The following UNCX variants were observed in gnomAD, a reference collection of about 807,000 sequenced individuals.
UNCX encodes the protein UNC homeobox.
In UNCX, 4 loss-of-function variants were observed where a neutral mutation model predicts 14.8. The ratio of observed to expected loss-of-function variants is 0.27; its 90% CI spans 0.13 to 0.62. The LOEUF (loss-of-function observed/expected upper bound fraction) is 0.62, where lower values mean the gene tolerates loss of function less well. Among genes scored for constraint, UNCX ranks in the 20% least tolerant of loss-of-function variants. UNCX has a pLI of 0.86. For missense variants in UNCX, 749 were observed against 786.8 expected (o/e 0.95, Z 0.58); for synonymous variants, 459 against 395.8 (o/e 1.16, Z -1.90).
At chr7:1,235,675 A>T (rs1778724935) in intron 2 of UNCX, among the ~76,000 whole-genome samples, 157 bp from the exon 3 acceptor site, 1 of 152,222 alleles carries the variant, frequency 6.6e-6, no homozygotes, top group Non-Finnish European at 1.5e-5. Context: ...CCAGTGGCAA[A>T]GCCCAGCTCA....
intron 2 of UNCX, among the ~76,000 whole-genome samples, chr7:1,235,146 G>A (rs994659370): frequency 3.3e-5 from 5 of 152,240 alleles, no homozygotes; most frequent in South Asian, 2.1e-4. Flanking sequence ...GCCTTGGCCG[G>A]TGGCCCAGGC....
At chr7:1,235,384 AG>A (rs938633724) in intron 2 of UNCX, among the ~76,000 whole-genome samples, 6 of 152,212 alleles carry the variant, frequency 3.9e-5, no homozygotes, top group African/African-American at 1.4e-4. Context: ...ACAGGTGTGG[AG>A]GGCGGCTGTG....
rs769065865 is a variant in UNCX at position 1,236,456 on chromosome 7, C to T, written c.1075C>T (p.Leu359=). 2.1e-5 allele frequency: 29 copies of T among 1,378,302 alleles called. No individual in the cohort carries two copies. Among genetic ancestry groups the T allele is most frequent in the Admixed American group, 3.0e-5 (1 of 33,750 alleles). 85.4% of individuals were successfully genotyped at this position (1,378,302 alleles called of 1,614,324 possible). A position where few individuals can be genotyped will look rare whatever the true frequency, so the allele number is the denominator to read the frequency against. The change falls in exon 3 of 3, where the codon CTG becomes TTG. Residue 359 remains leucine (L), a synonymous_variant. Coordinates refer to ENST00000316333, the MANE Select transcript of UNCX (RefSeq NM_001080461.3). This position sits in a 1 kb window ranked among gnomAD's most constrained non-coding sequence, Gnocchi z 6.9. ...CGCCGCCGCCGCCGCCGCCGCGGGG[C>T]TGGACTTCGCGCCCGGGCTGCCGTG... ...SNAAAAAAAG[L]DFAPGLPCAP...
chr7:1,236,853 C>A lies in UNCX; in HGVS notation c.1472C>A (p.Pro491Gln). The A allele has an allele frequency of 9.9e-7, 1 of 1,011,694 alleles. No homozygotes were observed. Among genetic ancestry groups the A allele is most frequent in the Non-Finnish European group, 1.2e-6 (1 of 848,934 alleles). 62.7% of individuals were successfully genotyped at this position (1,011,694 alleles called of 1,614,324 possible). A position where few individuals can be genotyped will look rare whatever the true frequency, so the allele number is the denominator to read the frequency against. The change falls in exon 3 of 3, where the codon CCG becomes CAG. Residue 491 changes from proline to glutamine, a missense_variant. Transcript: ENST00000316333. The surrounding 1 kb of genome is among the most constrained non-coding windows in gnomAD (Gnocchi z 6.9). ...GGCCCCGCGCCCCCGCCGCCCGCGC[C>A]GTCGCCCAGGCCCGGCCCTCGGCCT... ...TAGPAPPPPA[P>Q]SPRPGPRPPS... is the part of the protein sequence containing the mutation.
chr7:1,236,538 C>T lies in UNCX; in HGVS notation c.1157C>T (p.Pro386Leu), dbSNP rs1778746088. The change falls in exon 3 of 3, where the codon CCG becomes CTG. Residue 386 changes from proline (P) to leucine (L), a missense_variant. By Grantham distance (98) the Pro-to-Leu change is moderately conservative. Around this residue, in one of 3 missense-constraint regions of UNCX, gnomAD observed 552 missense variants for 507.2 expected, o/e 1.09. Transcript: ENST00000316333. This position sits in a 1 kb window ranked among gnomAD's most constrained non-coding sequence, Gnocchi z 6.9. ...GHFLLYPITQ[P>L]LGFLVPQAAL... ...TTCCTCCTCTACCCCATCACGCAGC[C>T]GCTCGGCTTCCTGGTGCCGCAGGCC... The T allele has an allele frequency of 7.2e-7, 1 of 1,384,842 alleles. No individual in the cohort carries two copies. Among genetic ancestry groups the T allele is most frequent in the Non-Finnish European group, 9.4e-7 (1 of 1,060,536 alleles). 85.8% of individuals were successfully genotyped at this position (1,384,842 alleles called of 1,614,324 possible). A position where few individuals can be genotyped will look rare whatever the true frequency, so the allele number is the denominator to read the frequency against.
In UNCX at chr7:1,233,064, G is replaced by A. The variant is rs866847765; in HGVS notation, c.47G>A (p.Gly16Asp). 4 of 1,423,278 alleles carry A rather than the reference G, an allele frequency of 2.8e-6. No individual in the cohort carries two copies. The highest frequency in any genetic ancestry group is 1.4e-5 in the South Asian group (1 of 71,952). The allele number at this position is 1,423,278 out of a possible 1,614,324, so 88.2% of individuals were successfully genotyped here. ...GAACACCCGCATGCCCAGTTCGGGGGCTCGCTGGGCGGCGTGGTGGGCTTC... is the reference window on the plus strand; with the variant it reads ...GAACACCCGCATGCCCAGTTCGGGGACTCGCTGGGCGGCGTGGTGGGCTTC... ...LLEHPHAQFG[G>D]SLGGVVGFPY... The change falls in exon 1 of 3, where the codon GGC (glycine) becomes GAC (aspartate). Residue 16 changes from glycine to aspartate, a missense_variant. By Grantham distance (94) the Gly-to-Asp change is moderately conservative. Coordinates refer to ENST00000316333, the MANE Select transcript of UNCX (RefSeq NM_001080461.3). The surrounding 1 kb of genome is among the most constrained non-coding windows in gnomAD (Gnocchi z 5.3).
At chr7:1,234,187 G>A (rs1778698441) in intron 2 of UNCX, among the ~76,000 whole-genome samples, 1 of 152,002 alleles carries the variant, frequency 6.6e-6, no homozygotes, top group Admixed American at 6.6e-5. Flanking sequence ...ATGGAAACAT[G>A]TATTTATTCA....
At position 1,236,488 on chromosome 7, in the gene UNCX, G is replaced by T; in HGVS notation, c.1107G>T (p.Pro369=). Residue 369 remains proline, a synonymous_variant, in exon 3 of 3, where the codon CCG becomes CCT. Transcript: ENST00000316333. This position sits in a 1 kb window ranked among gnomAD's most constrained non-coding sequence, Gnocchi z 6.9. ...LDFAPGLPCA[P]RTLIGKGHFL... ...TCGCGCCCGGGCTGCCGTGCGCGCCGCGGACCCTGATCGGCAAGGGCCACT... is the reference window on the plus strand; with the variant it reads ...TCGCGCCCGGGCTGCCGTGCGCGCCTCGGACCCTGATCGGCAAGGGCCACT... 1 of 1,400,006 alleles carries T rather than the reference G, an allele frequency of 7.1e-7. No individual in the cohort carries two copies. Among genetic ancestry groups the T allele is most frequent in the Non-Finnish European group, 9.3e-7 (1 of 1,073,460 alleles). The allele number at this position is 1,400,006 out of a possible 1,614,324, so 86.7% of individuals were successfully genotyped here.
rs1382400148 is a variant in UNCX at position 1,236,277 on chromosome 7, C to G, written c.896C>G (p.Pro299Arg). 48 of 1,377,472 alleles carry G rather than the reference C, an allele frequency of 3.5e-5. No homozygotes were observed. The highest frequency in any genetic ancestry group is 4.4e-5 in the Non-Finnish European group (47 of 1,059,658). The allele number at this position is 1,377,472 out of a possible 1,614,324, so 85.3% of individuals were successfully genotyped here. Residue 299 changes from proline to arginine, a missense_variant, in exon 3 of 3, where the codon CCA becomes CGA. Physicochemically the swap from Pro to Arg is moderately radical, Grantham distance 103. This residue lies in a region of UNCX where 552 missense variants were observed against 507.2 expected (regional missense o/e 1.09). Coordinates refer to ENST00000316333, the MANE Select transcript of UNCX (RefSeq NM_001080461.3). This position sits in a 1 kb window ranked among gnomAD's most constrained non-coding sequence, Gnocchi z 6.9. ...AGCGGCGCCGGCCCACAGCCGCGCC[C>G]AGGTCGCCCTGCGGACAAGGACGCG... ...QRSGAGPQPR[P>R]GRPADKDAAS...
In UNCX at chr7:1,233,418, C is replaced by CCG. The variant is rs1778682424; in HGVS notation, c.275-101_275-100insGC. On this transcript the variant is annotated intron_variant, in intron 1 of 2. Transcript: ENST00000316333. This position sits in a 1 kb window ranked among gnomAD's most constrained non-coding sequence, Gnocchi z 5.3. ...GCTCCTAGGCGGCCGTCTCTGCGCC[C>CCG]CCCCCCCCGGATCCAGGCGGCCAGC... The CCG allele has an allele frequency of 1.1e-5, 15 of 1,373,828 alleles. No homozygotes were observed. Among genetic ancestry groups the CCG allele is most frequent in the Non-Finnish European group, 1.2e-5 (13 of 1,066,282 alleles). 85.1% of individuals were successfully genotyped at this position (1,373,828 alleles called of 1,614,324 possible). A position where few individuals can be genotyped will look rare whatever the true frequency, so the allele number is the denominator to read the frequency against.
chr7:1,235,958 G>C lies in UNCX; in HGVS notation c.577G>C (p.Ala193Pro). ...CGAGCCCATGGACCCGGAGGAGATC[G>C]CGCGCAAGGAGCTGGAGAAGATGGA... is the stretch of plus-strand genomic sequence containing the variant. The part of the protein sequence containing the change: ...SGEPMDPEEI[A>P]RKELEKMEKK... Residue 193 changes from alanine (A) to proline (P), a missense_variant, in exon 3 of 3, where the codon GCG (alanine) becomes CCG (proline). By Grantham distance (27) the Ala-to-Pro change is conservative (BLOSUM62 -1). Coordinates refer to ENST00000316333, the MANE Select transcript of UNCX (RefSeq NM_001080461.3). The C allele has an allele frequency of 1.2e-6, 2 of 1,612,210 alleles. No individual in the cohort carries two copies. Among genetic ancestry groups the C allele is most frequent in the Non-Finnish European group, 8.5e-7 (1 of 1,179,518 alleles).
Position 1,237,002 on chromosome 7 carries a change from G to C in UNCX, c.*25G>C. 5 of 1,173,034 alleles carry C rather than the reference G, an allele frequency of 4.3e-6. No homozygotes were observed. The highest frequency in any genetic ancestry group is 5.3e-6 in the Non-Finnish European group (5 of 949,754). 72.7% of individuals were successfully genotyped at this position (1,173,034 alleles called of 1,614,324 possible). On this transcript the variant is annotated 3_prime_UTR_variant, in exon 3 of 3. Transcript: ENST00000316333. This position sits in a 1 kb window ranked among gnomAD's most constrained non-coding sequence, Gnocchi z 5.8. ...AGGCCGCGGCGGCCGGGAGAGGCGC[G>C]TAGCCGGCCCGCGGCCGCTCGCTCA...
rs1224434196 is a variant in UNCX, at chr7:1,236,901, C to T, written c.1520C>T (p.Ala507Val). Residue 507 changes from alanine (A) to valine (V), a missense_variant, in exon 3 of 3, where the codon GCC (alanine) becomes GTC (valine). This residue lies in a region of UNCX where 552 missense variants were observed against 507.2 expected (regional missense o/e 1.09). Coordinates refer to ENST00000316333, the MANE Select transcript of UNCX (RefSeq NM_001080461.3). This position sits in a 1 kb window ranked among gnomAD's most constrained non-coding sequence, Gnocchi z 6.9. ...PRPPSPAEEP[A>V]TCGVPEPGAA... is the part of the protein sequence containing the mutation. ...CCTCCCAGCCCCGCCGAGGAGCCGG[C>T]CACCTGCGGGGTTCCCGAGCCTGGC... 1.1e-5 allele frequency: 13 copies of T among 1,155,434 alleles called. No homozygotes were observed. Among genetic ancestry groups the T allele is most frequent in the Non-Finnish European group, 1.4e-5 (13 of 939,558 alleles). 71.6% of individuals were successfully genotyped at this position (1,155,434 alleles called of 1,614,324 possible). A position where few individuals can be genotyped will look rare whatever the true frequency, so the allele number is the denominator to read the frequency against.
At chr7:1,235,575 C>T in intron 2 of UNCX, among the ~76,000 whole-genome samples, 1 of 152,266 alleles carries the variant, frequency 6.6e-6, no homozygotes, top group East Asian at 1.9e-4. Context: ...TCCCAGGTCC[C>T]CGAGGTGAGA....
Position 1,236,986 on chromosome 7 carries a change from C to T in UNCX, c.*9C>T, listed in dbSNP as rs559416782. 3,816 of 1,187,920 alleles carry T rather than the reference C, an allele frequency of 3.2e-3. 15 individuals carry two copies. Among genetic ancestry groups the T allele is most frequent in the Non-Finnish European group, 3.0e-3 (2,850 of 959,126 alleles). The allele number at this position is 1,187,920 out of a possible 1,614,324, so 73.6% of individuals were successfully genotyped here. A position where few individuals can be genotyped will look rare whatever the true frequency, so the allele number is the denominator to read the frequency against. ...AGCTGGACATGGACTGAGGCCGCGGCGGCCGGGAGAGGCGCGTAGCCGGCC... is the reference window on the plus strand; with the variant it reads ...AGCTGGACATGGACTGAGGCCGCGGTGGCCGGGAGAGGCGCGTAGCCGGCC... On this transcript the variant is annotated 3_prime_UTR_variant, in exon 3 of 3. Transcript: ENST00000316333. This position sits in a 1 kb window ranked among gnomAD's most constrained non-coding sequence, Gnocchi z 6.9.
At position 1,237,081 on chromosome 7, in the gene UNCX, C is replaced by T. The variant is rs1778763191; in HGVS notation, c.*104C>T. ...ATCGGCTCTAGAAACACTGCTTTCC[C>T]TTCTTTTCTTTTGTTTTCTTTCTTT... On this transcript the variant is annotated 3_prime_UTR_variant, in exon 3 of 3. Transcript: ENST00000316333. This position sits in a 1 kb window ranked among gnomAD's most constrained non-coding sequence, Gnocchi z 5.8. The T allele has an allele frequency of 4.4e-6, 4 of 910,998 alleles. No individual in the cohort carries two copies. The highest frequency in any genetic ancestry group is 1.3e-6 in the Non-Finnish European group (1 of 747,998). 56.4% of individuals were successfully genotyped at this position (910,998 alleles called of 1,614,324 possible). A position where few individuals can be genotyped will look rare whatever the true frequency, so the allele number is the denominator to read the frequency against.
At chr7:1,235,239 G>C (rs1434741109) in intron 2 of UNCX, among the ~76,000 whole-genome samples, 4 of 152,264 alleles carry the variant, frequency 2.6e-5, no homozygotes, top group Non-Finnish European at 5.9e-5. Context: ...TGTGCCCTGG[G>C]AGGGAGGCTG....
intron 2 of UNCX, among the ~76,000 whole-genome samples, chr7:1,235,080 C>T (rs1222301525): frequency 2.0e-5 from 3 of 152,240 alleles, no homozygotes; most frequent in Admixed American, 6.5e-5. Context: ...ATGGAAGAGA[C>T]GCGATGGGCC....
rs1476777131 is a variant in UNCX, at chr7:1,233,721, T to A, written c.450+26T>A. The A allele has an allele frequency of 4.4e-6, 7 of 1,576,744 alleles. No homozygotes were observed. The Admixed American group carries it at 1.0e-4, about 24-fold the overall frequency. On this transcript the variant is annotated intron_variant, in intron 2 of 2. Transcript: ENST00000316333. The surrounding 1 kb of genome is among the most constrained non-coding windows in gnomAD (Gnocchi z 5.3). ...GTAAAGACCCGGCGTCGCTCCCGGA[T>A]CTGCCATCCGGACCCCAGGCTCTGG...
Sources: gnomAD v4.1 joint callset for allele counts (sites outside exome capture counted in the v4.1 genomes callset) on GRCh38, gnomAD v4.1.1 for gene constraint, gnomAD v4.1.1 regional missense constraint, Gnocchi (gnomAD v3.1) non-coding constraint, MANE v1.5 for transcripts, NCBI Gene and HGNC (gene_info 2026-07-23, HGNC 2026-07-21) for gene names.